The following ASH1L variants were observed in gnomAD, a reference collection of about 807,000 sequenced individuals.
ASH1L encodes histone-lysine N-methyltransferase ASH1L.
ASH1L carries 23 observed loss-of-function variants against 269.0 expected under a neutral mutation model. The observed-to-expected ratio is 0.09, with a 90% CI of 0.06 to 0.12. The LOEUF (loss-of-function observed/expected upper bound fraction) is 0.12, where lower values mean the gene tolerates loss of function less well. ASH1L is among the 10% of genes least tolerant of loss of function. ASH1L has a pLI of 1.00. For synonymous variants in ASH1L, 1,187 were observed against 1,253.5 expected (o/e 0.95, Z 1.12); for missense variants, 2,912 against 3,567.8 (o/e 0.82, Z 4.68).
intron 1 of ASH1L, among the ~76,000 whole-genome samples, chr1:155,524,058 A>G (rs1351862224): frequency 2.0e-5 from 3 of 152,168 alleles, no homozygotes; most frequent in African/African-American, 7.2e-5. Flanking sequence ...ACATTTCACA[A>G]TGGCATTCAA....
intron 2 of ASH1L, among the ~76,000 whole-genome samples, chr1:155,501,666 A>G (rs1667509823): frequency 6.6e-6 from 1 of 151,994 alleles, no homozygotes; most frequent in Non-Finnish European, 1.5e-5. Context: ...AGATTGTTTT[A>G]TTCATTCATT....
intron 5 of ASH1L, chr1:155,419,604 C>T (rs188050256): frequency 6.6e-6 from 1 of 152,270 alleles, no homozygotes; most frequent in East Asian, 1.9e-4. Context: ...CAACTAAAAA[C>T]TCTGGAAATT....
At chr1:155,491,334 T>G (rs999443420) in intron 2 of ASH1L, among the ~76,000 whole-genome samples, 13 of 152,140 alleles carry the variant, frequency 8.5e-5, no homozygotes, top group African/African-American at 1.2e-4. Context: ...ACGCCTGGCC[T>G]CAAGCAATCT....
chr1:155,485,324 TA>T (rs773688525), intron 2 of ASH1L, among the ~76,000 whole-genome samples: 11 of 151,992 alleles, frequency 7.2e-5, no homozygotes, highest in Non-Finnish European at 1.2e-4. Flanking sequence ...TTTTTATTTT[TA>T]TTTTTTTTTA....
intron 6 of ASH1L, among the ~76,000 whole-genome samples, chr1:155,409,891 C>A (rs1355925868): frequency 6.6e-6 from 1 of 151,968 alleles, no homozygotes; most frequent in Non-Finnish European, 1.5e-5. Flanking sequence ...CTTGGCCAGG[C>A]GTGGTGGCTC....
At chr1:155,561,576 C>A (rs1318478984) in intron 1 of ASH1L, among the ~76,000 whole-genome samples, 2 of 142,042 alleles carry the variant, frequency 1.4e-5, no homozygotes, top group African/African-American at 5.0e-5. Flanking sequence ...CAAACTCTTA[C>A]GGAAACACTT....
At chr1:155,550,726 A>G (rs1211928879) in intron 1 of ASH1L, among the ~76,000 whole-genome samples, 1 of 152,184 alleles carries the variant, frequency 6.6e-6, no homozygotes, top group Non-Finnish European at 1.5e-5. Context: ...CATATTTCCC[A>G]TTTATTTAAT....
chr1:155,480,701 C>T lies in ASH1L; in HGVS notation c.2169G>A (p.Val723=). 6.2e-7 allele frequency: 1 copy of T among 1,613,474 alleles called. No homozygotes were observed. The highest frequency in any genetic ancestry group is 8.5e-7 in the Non-Finnish European group (1 of 1,179,856). Residue 723 remains valine, a synonymous_variant, in exon 3 of 28, where the codon GTG becomes GTA. Transcript: ENST00000392403. ...KGRKPRWTKV[V]ARSTCRSPKG... ...TTGGAGACCGGCATGTGCTTCTTGC[C>T]ACCACTTTAGTCCACCGAGGTTTTC...
At chr1:155,362,573 T>C (rs922315383) in intron 12 of ASH1L, among the ~76,000 whole-genome samples, 2 of 152,112 alleles carry the variant, frequency 1.3e-5, no homozygotes, top group Non-Finnish European at 2.9e-5. Context: ...AGGGAGCCAC[T>C]TGCCCAAAGT....
In ASH1L at chr1:155,562,715, G is replaced by C. The variant is rs768148405; in HGVS notation, c.-662C>G. On this transcript the variant is annotated 5_prime_UTR_variant, in exon 1 of 28. Transcript: ENST00000392403. ...CGCGCTCACCCACAGGAACCCCCTC[G>C]TCCAGTCCCTCACTACCCCTCAGGC... The C allele has an allele frequency of 1.4e-6, 2 of 1,443,934 alleles. No homozygotes were observed. The highest frequency in any genetic ancestry group is 1.2e-5 in the South Asian group (1 of 82,106). 89.4% of individuals were successfully genotyped at this position (1,443,934 alleles called of 1,614,324 possible).
At chr1:155,489,163 T>TTTCTGGC (rs1479623771) in intron 2 of ASH1L, among the ~76,000 whole-genome samples, 1 of 152,144 alleles carries the variant, frequency 6.6e-6, no homozygotes, top group Non-Finnish European at 1.5e-5. Flanking sequence ...AATTAAATAG[T>TTTCTGGC]TTCTGGCTTT....
Position 155,370,902 on chromosome 1 carries a change from C to G in ASH1L, c.6414G>C (p.Trp2138Cys). The change falls in exon 11 of 28, where the codon TGG becomes TGC. Residue 2138 changes from tryptophan (W) to cysteine (C), a missense_variant. Trp to Cys is a radical substitution (Grantham distance 215, BLOSUM62 -2). This residue lies in a region of ASH1L where 193 missense variants were observed against 311.6 expected (regional missense o/e 0.62). Coordinates refer to ENST00000392403, the MANE Select transcript of ASH1L (RefSeq NM_018489.3). ...CTCGAAATCGTTCTAGACATTGCAC[C>G]CATTCATGCCTCTGTATCCTCTGGT... Reference protein sequence around the residue: ...CCNQRIQRHEWVQCLERFRAE... With the variant: ...CCNQRIQRHECVQCLERFRAE... 1 of 1,614,132 alleles carries G rather than the reference C, an allele frequency of 6.2e-7. No homozygotes were observed. The highest frequency in any genetic ancestry group is 1.1e-5 in the South Asian group (1 of 91,082).
chr1:155,515,243 A>C (rs759025260), intron 2 of ASH1L, among the ~76,000 whole-genome samples: 2 of 152,172 alleles, frequency 1.3e-5, no homozygotes, highest in Non-Finnish European at 2.9e-5. Context: ...CAATGCTTCA[A>C]AAGTTGGACG....
intron 4 of ASH1L, 61 bp from the exon 5 acceptor site, chr1:155,439,129 T>A: frequency 6.7e-7 from 1 of 1,494,812 alleles, no homozygotes; most frequent in Non-Finnish European, 9.0e-7. Flanking sequence ...TTTAAATAAG[T>A]TTTTACACAG....
In ASH1L at chr1:155,480,999, ATAC is replaced by A; in HGVS notation, c.1868_1870del (p.Ser623del). 6.2e-7 allele frequency: 1 copy of A among 1,614,052 alleles called. No homozygotes were observed. Among genetic ancestry groups the A allele is most frequent in the East Asian group, 2.2e-5 (1 of 44,876 alleles). ...CTCTTTATCAATCCCTTTACATTCA[ATAC>A]TTATACTATGACCAACTGACCTATG... On this transcript the variant is annotated inframe_deletion, in exon 3 of 28. Coordinates refer to ENST00000392403, the MANE Select transcript of ASH1L (RefSeq NM_018489.3).
chr1:155,339,667 A>C (rs1035865451), intron 25 of ASH1L, among the ~76,000 whole-genome samples: 2 of 152,064 alleles, frequency 1.3e-5, no homozygotes, highest in African/African-American at 4.8e-5. Flanking sequence ...GAAATATGTC[A>C]TCACGTGATT....
At chr1:155,397,428 C>T (rs544155688) in intron 6 of ASH1L, among the ~76,000 whole-genome samples, 41 of 149,264 alleles carry the variant, frequency 2.7e-4, no homozygotes, top group Admixed American at 1.2e-3. Flanking sequence ...CTCCGGGAGA[C>T]GGAGGTTGCA....
rs761316149 is a variant in ASH1L, at chr1:155,481,107, G to A, written c.1763C>T (p.Thr588Ile). ...LAPNPLLLSS[T>I]TELIEEISES... The stretch of plus-strand genomic sequence containing the variant: ...AGAAATTTCTTCGATTAGTTCTGTA[G>A]TAGAACTTAAAAGTAATGGATTAGG... The change falls in exon 3 of 28, where the codon ACT becomes ATT. Residue 588 changes from threonine to isoleucine, a missense_variant. This residue lies in a region of ASH1L where 715 missense variants were observed against 721.0 expected (regional missense o/e 0.99). Transcript: ENST00000392403. The A allele has an allele frequency of 2.5e-6, 4 of 1,614,076 alleles. No individual in the cohort carries two copies. Among genetic ancestry groups the A allele is most frequent in the Admixed American group, 1.7e-5 (1 of 60,026 alleles).
chr1:155,525,965 AAT>A (rs1292673935), intron 1 of ASH1L, among the ~76,000 whole-genome samples: 1 of 152,178 alleles, frequency 6.6e-6, no homozygotes, highest in Non-Finnish European at 1.5e-5. Context: ...ATGATATATA[AAT>A]AGTTATTAAA....
Sources: gnomAD v4.1 joint callset for allele counts (sites outside exome capture counted in the v4.1 genomes callset) on GRCh38, gnomAD v4.1.1 for gene constraint, gnomAD v4.1.1 regional missense constraint, MANE v1.5 for transcripts, NCBI Gene and HGNC (gene_info 2026-07-23, HGNC 2026-07-21) for gene names.